The following OVCH1 variants were observed in gnomAD, a reference collection of about 807,000 sequenced individuals.
OVCH1 encodes ovochymase 1, also known as ovochymase-1.
Under a neutral mutation model 138.4 loss-of-function variants are expected in OVCH1, and 139 were observed. The ratio of observed to expected loss-of-function variants is 1.00; its 90% CI spans 0.87 to 1.16. OVCH1 has a LOEUF of 1.16. Among genes scored for constraint, OVCH1 ranks in the 50% most tolerant of loss-of-function variants. The pLI, the probability that OVCH1 is intolerant of heterozygous loss-of-function variation, is 0.00. For synonymous variants in OVCH1, 453 were observed against 467.8 expected (o/e 0.97, Z 0.41); for missense variants, 1,367 against 1,357.9 (o/e 1.01, Z -0.11).
chr12:29,455,354 G>A, exon 20 of OVCH1: 2 of 1,613,760 alleles, frequency 1.2e-6, no homozygotes, highest in Non-Finnish European at 1.7e-6. Context: ...ATGCCATAGA[G>A]GACAAAGGGA....
chr12:29,425,353 A>G (rs1361222636), downstream of OVCH1, among the ~76,000 whole-genome samples: 1 of 152,250 alleles, frequency 6.6e-6, no homozygotes, highest in East Asian at 1.9e-4. Context: ...ACAGGCTCCT[A>G]GATTATTAAG....
chr12:29,475,151 T>C, exon 14 of OVCH1: 1 of 1,534,820 alleles, frequency 6.5e-7, no homozygotes, highest in South Asian at 1.2e-5. Flanking sequence ...TTACTAGAAC[T>C]GAATATTGAA....
intron 21 of OVCH1, among the ~76,000 whole-genome samples, chr12:29,453,709 T>C (rs781043389): frequency 1.3e-5 from 2 of 152,114 alleles, no homozygotes; most frequent in Non-Finnish European, 2.9e-5. Flanking sequence ...TTTAACCACT[T>C]TTTCACATAC....
intron 3 of OVCH1, among the ~76,000 whole-genome samples, chr12:29,415,418 T>A (rs1219343592): frequency 6.6e-6 from 1 of 152,198 alleles, no homozygotes; most frequent in African/African-American, 2.4e-5. Context: ...AGAATGCTTC[T>A]TAACCTTGGC....
chr12:29,426,996 A>G (rs1024838961), downstream of OVCH1, among the ~76,000 whole-genome samples: 1 of 152,190 alleles, frequency 6.6e-6, no homozygotes, highest in Non-Finnish European at 1.5e-5. Context: ...TATAGACACA[A>G]TTCACTTTGT....
chr12:29,419,855 T>C (rs1941079361), intron 3 of OVCH1, among the ~76,000 whole-genome samples: 1 of 152,132 alleles, frequency 6.6e-6, no homozygotes, highest in Admixed American at 6.5e-5. Context: ...GATTGCAAAC[T>C]CCCCAAACAG....
At chr12:29,457,856 C>A (rs1942005760) in intron 19 of OVCH1, among the ~76,000 whole-genome samples, 2 of 152,116 alleles carry the variant, frequency 1.3e-5, no homozygotes. Flanking sequence ...TATATGTTTG[C>A]TTACATGTGC....
chr12:29,424,506 G>C (rs1941151087), downstream of OVCH1, among the ~76,000 whole-genome samples: 1 of 152,246 alleles, frequency 6.6e-6, no homozygotes, highest in African/African-American at 2.4e-5. Flanking sequence ...ATGTTTGGGA[G>C]CATAAGGCGG....
intron 3 of OVCH1, among the ~76,000 whole-genome samples, chr12:29,417,460 C>CAAAAAA (rs759067203): frequency 6.6e-5 from 4 of 60,740 alleles, no homozygotes; most frequent in East Asian, 5.1e-4. Context: ...CACTCCGTCT[C>CAAAAAA]AAAAAAAAAA....
At chr12:29,464,556 T>G in exon 18 of OVCH1, 1 of 1,613,516 alleles carries the variant, frequency 6.2e-7, no homozygotes. Flanking sequence ...CCGAGGAAAA[T>G]AGAGGCTCTG....
chr12:29,458,591 A>G (rs977780583), intron 19 of OVCH1, among the ~76,000 whole-genome samples: 2 of 152,156 alleles, frequency 1.3e-5, no homozygotes, highest in African/African-American at 4.8e-5. Context: ...CTGGACAAAG[A>G]TTTCTTTAGT....
At chr12:29,476,853 T>C (rs1565600956) in intron 12 of OVCH1, among the ~76,000 whole-genome samples, 1 of 151,780 alleles carries the variant, frequency 6.6e-6, no homozygotes, top group African/African-American at 2.4e-5. Flanking sequence ...TAGTAAGTTA[T>C]CAGTGTTTGC....
intron 2 of OVCH1, 89 bp downstream of exon 2, chr12:29,496,467 C>T (rs1943420330): frequency 7.8e-7 from 1 of 1,284,754 alleles, no homozygotes; most frequent in Non-Finnish European, 1.1e-6. Context: ...AGGAGAAAAA[C>T]TACATATCAA....
chr12:29,471,668 A>C, intron 16 of OVCH1, 134 bp downstream of exon 16: 4 of 1,000,814 alleles, frequency 4.0e-6, no homozygotes, highest in Non-Finnish European at 5.7e-6. Flanking sequence ...CTAGATGGCT[A>C]TGCAGAAGAA....
chr12:29,464,231 GACCTGC>G (rs1468834733), intron 18 of OVCH1, among the ~76,000 whole-genome samples: 2 of 152,290 alleles, frequency 1.3e-5, no homozygotes, highest in East Asian at 3.9e-4. Flanking sequence ...GAGACCAGAT[GACCTGC>G]AAAGCCTAAA....
At chr12:29,452,184 CA>C (rs1941815202) in intron 21 of OVCH1, among the ~76,000 whole-genome samples, 1 of 152,082 alleles carries the variant, frequency 6.6e-6, no homozygotes, top group African/African-American at 2.4e-5. Flanking sequence ...ATTCCTTTGA[CA>C]AAAACTTTCT....
chr12:29,481,218 G>A (rs1942920858), intron 8 of OVCH1, among the ~76,000 whole-genome samples: 1 of 152,060 alleles, frequency 6.6e-6, no homozygotes, highest in South Asian at 2.1e-4. Flanking sequence ...CTTTCCATGT[G>A]GGTGGGTTTA....
intron 16 of OVCH1, among the ~76,000 whole-genome samples, chr12:29,469,876 G>A (rs1354699211): frequency 6.6e-6 from 1 of 152,104 alleles, no homozygotes; most frequent in Admixed American, 6.6e-5. Flanking sequence ...CTCAAAACAA[G>A]ATGGGGTCAG....
chr12:29,467,033 A>G (rs879930316), intron 16 of OVCH1, among the ~76,000 whole-genome samples: 2 of 152,056 alleles, frequency 1.3e-5, no homozygotes, highest in African/African-American at 2.4e-5. Flanking sequence ...TGACTTACTC[A>G]TGTGTTTCAA....
Sources: allele counts gnomAD v4.1 joint callset (sites outside exome capture counted in the v4.1 genomes callset), GRCh38; gene constraint gnomAD v4.1.1; transcripts MANE v1.5; gene names NCBI Gene and HGNC (gene_info 2026-07-23, HGNC 2026-07-21).